Variants in DOT1L observed in about 807,000 individuals in gnomAD.
DOT1L encodes the protein histone-lysine N-methyltransferase, H3 lysine-79 specific.
In DOT1L, 33 loss-of-function variants were observed where a neutral mutation model predicts 153.3. That is an observed-to-expected ratio of 0.22 (90% CI 0.16 to 0.29). The LOEUF is 0.29. DOT1L is among the 10% of genes least tolerant of loss of function. DOT1L has a pLI of 1.00. For missense variants in DOT1L, 1,847 were observed against 2,119.9 expected (o/e 0.87, Z 2.53); for synonymous variants, 1,135 against 965.1 (o/e 1.18, Z -3.26).
intron 27 of DOT1L, 81 bp downstream of exon 27, chr19:2,227,208 C>CT (rs2024388827): frequency 1.9e-6 from 3 of 1,539,758 alleles, no homozygotes; most frequent in Non-Finnish European, 2.7e-6. Context: ...CTTCCGCACT[C>CT]TCTTGCAGCA....
chr19:2,187,024 C>T (rs2022542369), intron 3 of DOT1L, among the ~76,000 whole-genome samples: 2 of 152,210 alleles, frequency 1.3e-5, no homozygotes, highest in East Asian at 1.9e-4. Context: ...CCTGTGCTTT[C>T]GGGTTTTCAC....
At chr19:2,227,633 G>T in intron 27 of DOT1L, 4 of 1,206,550 alleles carry the variant, frequency 3.3e-6, no homozygotes, top group Non-Finnish European at 2.1e-6. Flanking sequence ...GCACACGCCT[G>T]GCGGCGCCGT....
intron 1 of DOT1L, among the ~76,000 whole-genome samples, chr19:2,166,811 G>T (rs1237378241): frequency 6.6e-6 from 1 of 152,206 alleles, no homozygotes; most frequent in African/African-American, 2.4e-5. Flanking sequence ...ATTGGGTGGT[G>T]CCCTGACCAG....
At chr19:2,213,297 T>TG (rs2023778090) in intron 16 of DOT1L, 3 of 456,622 alleles carry the variant, frequency 6.6e-6, no homozygotes, top group Non-Finnish European at 1.2e-5. Context: ...TGAGTCCAGG[T>TG]GGGGTGGCAG....
chr19:2,164,243 A>G lies in DOT1L; in HGVS notation c.59A>G (p.Tyr20Cys), dbSNP rs2019821225. 7.8e-7 allele frequency: 1 copy of G among 1,284,846 alleles called. No individual in the cohort carries two copies. Among genetic ancestry groups the G allele is most frequent in the South Asian group, 3.3e-5 (1 of 30,334 alleles). 79.6% of individuals were successfully genotyped at this position (1,284,846 alleles called of 1,614,324 possible). The change falls in exon 1 of 28, where the codon TAC becomes TGC. Residue 20 changes from tyrosine (Y) to cysteine (C), a missense_variant. This residue lies in a region of DOT1L where 37 missense variants were observed against 31.0 expected (regional missense o/e 1.19). Transcript: ENST00000398665. ...KSPVGAEPAV[Y>C]PWPLPVYDKH... ...CCCGTGGGGGCTGAGCCCGCCGTCT[A>G]CCCGTGGCCGCTGCCGGTCTACGTG...
chr19:2,172,844 A>G lies in DOT1L; in HGVS notation c.82-7869A>G, dbSNP rs913056926. Among the ~76,000 whole-genome samples the G allele has an allele frequency of 4.0e-5, 6 of 151,890 alleles. No homozygotes were observed. The East Asian group carries it at 9.7e-4, about 25-fold the overall frequency. On this transcript the variant is annotated intron_variant, in intron 1 of 27. Coordinates refer to ENST00000398665, the MANE Select transcript of DOT1L (RefSeq NM_032482.3). Reference sequence around the variant, plus strand: ...TTTGAAATAACATCCTTGTTGTGACAGTTCACGTATCATAAAGTTCACCTG... The same window carrying G: ...TTTGAAATAACATCCTTGTTGTGACGGTTCACGTATCATAAAGTTCACCTG...
At chr19:2,221,871 G>A (rs1434381169) in intron 23 of DOT1L, 105 bp from the exon 24 acceptor site, 7 of 1,195,508 alleles carry the variant, frequency 5.9e-6, no homozygotes, top group Non-Finnish European at 4.6e-6. Flanking sequence ...CCACTTCCCC[G>A]CCTCTCCTGG....
rs781709824 is a variant in DOT1L, at chr19:2,226,424, G to A, written c.3903G>A (p.Ser1301=). ...GGAAAGGCTTTCCCGGCTCCCTGTC[G>A]GGGGCTGACGGACTCAGCCCGGGCA... ...HPRKGFPGSL[S]GADGLSPGTN... is the part of the protein sequence containing the mutation. Residue 1301 remains serine, a synonymous_variant, in exon 27 of 28, where the codon TCG becomes TCA. Coordinates refer to ENST00000398665, the MANE Select transcript of DOT1L (RefSeq NM_032482.3). 56 of 1,600,230 alleles carry A rather than the reference G, an allele frequency of 3.5e-5. No homozygotes were observed. The highest frequency in any genetic ancestry group is 4.2e-5 in the Non-Finnish European group (50 of 1,178,072).
Position 2,207,704 on chromosome 19 carries a change from C to T in DOT1L, c.963+24C>T. 3 of 1,588,880 alleles carry T rather than the reference C, an allele frequency of 1.9e-6. No homozygotes were observed. The highest frequency in any genetic ancestry group is 2.6e-6 in the Non-Finnish European group (3 of 1,165,594). ...TAGTGAGTATCTCGCTGCGCCTCAG[C>T]CGCAGGGCCGTCCTGGTCTTCCACC... On this transcript the variant is annotated intron_variant, in intron 11 of 27. Coordinates refer to ENST00000398665, the MANE Select transcript of DOT1L (RefSeq NM_032482.3). The surrounding 1 kb of genome is among the most constrained non-coding windows in gnomAD (Gnocchi z 4.5).
chr19:2,224,745 C>A (rs532838897), intron 25 of DOT1L, among the ~76,000 whole-genome samples: 2 of 152,192 alleles, frequency 1.3e-5, no homozygotes, highest in Non-Finnish European at 2.9e-5. Context: ...GCCATCACAG[C>A]CGGCCCTAAG....
At chr19:2,218,045 A>T (rs2023970073) in intron 22 of DOT1L, 127 bp downstream of exon 22, 3 of 1,373,438 alleles carry the variant, frequency 2.2e-6, no homozygotes, top group Non-Finnish European at 2.9e-6. Context: ...AATGCAGTCA[A>T]GGTGGGCTGT....
At chr19:2,176,085 C>T (rs922847532) in intron 1 of DOT1L, among the ~76,000 whole-genome samples, 1 of 152,166 alleles carries the variant, frequency 6.6e-6, no homozygotes, top group African/African-American at 2.4e-5. Flanking sequence ...GCCGAGGCTG[C>T]TTTTACTAGA....
chr19:2,177,826 A>G (rs1158680231), intron 1 of DOT1L, among the ~76,000 whole-genome samples: 1 of 149,616 alleles, frequency 6.7e-6, no homozygotes, highest in African/African-American at 2.5e-5. Context: ...CAGTGGTGCG[A>G]CCTTGGCTCA....
At chr19:2,209,815 A>T (rs998849305) in intron 12 of DOT1L, among the ~76,000 whole-genome samples, 2 of 152,012 alleles carry the variant, frequency 1.3e-5, no homozygotes, top group Non-Finnish European at 2.9e-5. Context: ...CTGGGCTCCA[A>T]CCCGGCCTCA....
rs745896661 is a variant in DOT1L, at chr19:2,230,880, G to C, written c.*1088G>C. 1 of 325,124 alleles carries C rather than the reference G, an allele frequency of 3.1e-6. No individual in the cohort carries two copies. Among genetic ancestry groups the C allele is most frequent in the Admixed American group, 5.0e-5 (1 of 20,140 alleles). The allele number at this position is 325,124 out of a possible 1,614,324, so 20.1% of individuals were successfully genotyped here. Reference sequence around the variant, plus strand: ...CCCTGCCTGCCCCACATCCCTTCCTGTCAGGGCCACGCCTGGCACCCATCC... The same window carrying C: ...CCCTGCCTGCCCCACATCCCTTCCTCTCAGGGCCACGCCTGGCACCCATCC... On this transcript the variant is annotated 3_prime_UTR_variant, in exon 28 of 28. Coordinates refer to ENST00000398665, the MANE Select transcript of DOT1L (RefSeq NM_032482.3).
intron 1 of DOT1L, among the ~76,000 whole-genome samples, chr19:2,168,165 G>C (rs936071669): frequency 6.6e-6 from 1 of 152,106 alleles, no homozygotes; most frequent in Non-Finnish European, 1.5e-5. Flanking sequence ...TTAGTCTCAA[G>C]AAACCTGTCA....
Position 2,229,909 on chromosome 19 carries a change from A to C in DOT1L, c.*117A>C. The C allele has an allele frequency of 6.3e-7, 1 of 1,585,154 alleles. No homozygotes were observed. Among genetic ancestry groups the C allele is most frequent in the South Asian group, 1.1e-5 (1 of 90,430 alleles). ...CCCTGGACGGCAGAGGCAAGGACGG[A>C]CGGGAGCTCCACTGTGAATCGGCGG... On this transcript the variant is annotated 3_prime_UTR_variant, in exon 28 of 28. Transcript: ENST00000398665.
intron 9 of DOT1L, 56 bp from the exon 10 acceptor site, chr19:2,206,673 G>C: frequency 3.2e-6 from 5 of 1,568,818 alleles, no homozygotes; most frequent in Non-Finnish European, 3.5e-6. Flanking sequence ...CTTGAGTGGT[G>C]TCTGCTCTTC....
Position 2,231,062 on chromosome 19 carries a change from A to C in DOT1L, c.*1270A>C, listed in dbSNP as rs1325907824. ...CTGGGACTGGGTGTGGAAGGAGAGGAGCTGAGGCCGGGGTGTAGCAGGCAG... is the reference window on the plus strand; with the variant it reads ...CTGGGACTGGGTGTGGAAGGAGAGGCGCTGAGGCCGGGGTGTAGCAGGCAG... On this transcript the variant is annotated 3_prime_UTR_variant, in exon 28 of 28. Transcript: ENST00000398665. The C allele has an allele frequency of 4.3e-6, 1 of 233,934 alleles. No homozygotes were observed. 14.5% of individuals were successfully genotyped at this position (233,934 alleles called of 1,614,324 possible). A position where few individuals can be genotyped will look rare whatever the true frequency, so the allele number is the denominator to read the frequency against.
Sources: gnomAD v4.1 joint callset for allele counts (sites outside exome capture counted in the v4.1 genomes callset) on GRCh38, gnomAD v4.1.1 for gene constraint, gnomAD v4.1.1 regional missense constraint, Gnocchi (gnomAD v3.1) non-coding constraint, MANE v1.5 for transcripts, NCBI Gene and HGNC (gene_info 2026-07-23, HGNC 2026-07-21) for gene names.